The following ITGA9 variants were observed in gnomAD, a reference collection of about 807,000 sequenced individuals.
ITGA9 encodes integrin alpha-9.
In ITGA9, 56 loss-of-function variants were observed where a neutral mutation model predicts 127.8. That is an observed-to-expected ratio of 0.44 (90% CI 0.35 to 0.55). ITGA9 has a LOEUF of 0.55. Among genes scored for constraint, ITGA9 ranks in the 20% least tolerant of loss-of-function variants. The pLI is 0.00. For missense variants in ITGA9, 1,196 were observed against 1,347.1 expected, an observed-to-expected ratio of 0.89 and a Z score of 1.76; for synonymous variants, 508 against 514.5, an observed-to-expected ratio of 0.99 and a Z score of 0.17.
At position 37,732,851 on chromosome 3, in the gene ITGA9, C is replaced by T. The variant is rs556812620; in HGVS notation, c.2154+53C>T. On this transcript the variant is annotated intron_variant, in intron 19 of 27. Transcript: ENST00000264741. The stretch of plus-strand genomic sequence containing the variant: ...CAGCAGCAGGCCCCCAGCCCTTCCA[C>T]CAGCCACTGATTCCGCCGCCTCCCT... 2.6e-4 allele frequency: 356 copies of T among 1,377,882 alleles called. 1 individual carries two copies. The highest frequency in any genetic ancestry group is 3.2e-4 in the Non-Finnish European group (312 of 980,268). 85.4% of individuals were successfully genotyped at this position (1,377,882 alleles called of 1,614,324 possible). A position where few individuals can be genotyped will look rare whatever the true frequency, so the allele number is the denominator to read the frequency against.
chr3:37,818,253 T>G (rs1243384150), intron 27 of ITGA9: 2 of 57,896 alleles, frequency 3.5e-5, no homozygotes. Flanking sequence ...CATGAAACCT[T>G]TTTTTTTTTT....
rs142527588 is a variant in ITGA9, at chr3:37,632,372, G to T, written c.1839+3036G>T. 2.9e-3 allele frequency among the ~76,000 whole-genome samples: 440 copies of T among 152,254 alleles called. 2 individuals carry two copies. Among genetic ancestry groups the T allele is most frequent in the African/African-American group, 9.9e-3 (413 of 41,558 alleles). ...TATTTGCAGCACCAAAAACTCAGTGGAAGTATTAGAAGACAATGGTAAATA... is the reference window on the plus strand; with the variant it reads ...TATTTGCAGCACCAAAAACTCAGTGTAAGTATTAGAAGACAATGGTAAATA... On this transcript the variant is annotated intron_variant, in intron 16 of 27. Coordinates refer to ENST00000264741, the MANE Select transcript of ITGA9 (RefSeq NM_002207.3).
intron 26 of ITGA9, among the ~76,000 whole-genome samples, chr3:37,786,075 G>C (rs1697038069): frequency 6.6e-6 from 1 of 152,152 alleles, no homozygotes; most frequent in Non-Finnish European, 1.5e-5. Context: ...AGATCCCAGG[G>C]GAGTAGAGGA....
intron 16 of ITGA9, among the ~76,000 whole-genome samples, chr3:37,651,261 A>G (rs1473149434): frequency 6.6e-6 from 1 of 152,216 alleles, no homozygotes; most frequent in Non-Finnish European, 1.5e-5. Flanking sequence ...GTAGAGTTCA[A>G]GGAAAAGTTA....
At chr3:37,705,242 A>G (rs1443527473) in intron 18 of ITGA9, among the ~76,000 whole-genome samples, 4 of 152,250 alleles carry the variant, frequency 2.6e-5, no homozygotes, top group African/African-American at 9.6e-5. Flanking sequence ...TAATGAAAAT[A>G]GAGGATTTTT....
intron 25 of ITGA9, among the ~76,000 whole-genome samples, chr3:37,783,643 T>G (rs78191855): frequency 6.6e-6 from 1 of 152,158 alleles, no homozygotes; most frequent in Admixed American, 6.5e-5. Flanking sequence ...GGCCCAAGAT[T>G]ATTATTATTA....
chr3:37,462,846 G>A (rs1698330782), intron 1 of ITGA9, among the ~76,000 whole-genome samples: 2 of 152,198 alleles, frequency 1.3e-5, no homozygotes, highest in Admixed American at 1.3e-4. Flanking sequence ...CCTCATCACT[G>A]CCTTGGGAGG....
Position 37,738,194 on chromosome 3 carries a change from C to T in ITGA9, c.2234+1211C>T, listed in dbSNP as rs6770769. Among the ~76,000 whole-genome samples the T allele has an allele frequency of 7.4e-3, 1,133 of 152,330 alleles. 12 individuals are homozygous for T. The highest frequency in any genetic ancestry group is 0.027 in the Middle Eastern group (8 of 294). ...ACATCACATAAAACATGACTGTGAT[C>T]TAATAGAAGCCTATGCAAAGCATAG... On this transcript the variant is annotated intron_variant, in intron 20 of 27. Transcript: ENST00000264741.
chr3:37,627,089 C>T (rs917465554), intron 15 of ITGA9, among the ~76,000 whole-genome samples: 23 of 152,144 alleles, frequency 1.5e-4, no homozygotes, highest in Admixed American at 1.2e-3. Flanking sequence ...AGGTCTGCCC[C>T]GATATCTGGA....
intron 15 of ITGA9, among the ~76,000 whole-genome samples, chr3:37,543,635 A>G (rs777202599): frequency 1.2e-4 from 18 of 152,240 alleles, no homozygotes; most frequent in Admixed American, 2.0e-4. Flanking sequence ...AATATTGTTT[A>G]TTAGCCACTG....
In ITGA9 at chr3:37,544,503, G is replaced by A. The variant is rs77177349; in HGVS notation, c.1689+1918G>A. Among the ~76,000 whole-genome samples, 653 of 152,294 alleles carry A rather than the reference G, an allele frequency of 4.3e-3. 8 individuals carry two copies. The highest frequency in any genetic ancestry group is 0.015 in the African/African-American group (628 of 41,538). On this transcript the variant is annotated intron_variant, in intron 15 of 27. Coordinates refer to ENST00000264741, the MANE Select transcript of ITGA9 (RefSeq NM_002207.3). ...AAATTTAAATTTAACTTGGCATCCT[G>A]TTGGCAGATTCAACTCTGCTGATCT...
At chr3:37,588,140 C>A (rs112171839) in intron 15 of ITGA9, among the ~76,000 whole-genome samples, 263 of 152,286 alleles carry the variant, frequency 1.7e-3, no homozygotes, top group Non-Finnish European at 3.2e-3. Context: ...GTCCACTTAG[C>A]GAATATCTAA....
intron 18 of ITGA9, among the ~76,000 whole-genome samples, chr3:37,727,845 A>C (rs1379353490): frequency 6.6e-6 from 1 of 152,182 alleles, no homozygotes; most frequent in Non-Finnish European, 1.5e-5. Flanking sequence ...ATCCAGGAGA[A>C]TTTTGACTCC....
rs893614674 is a variant in ITGA9 at position 37,512,511 on chromosome 3, C to T, written c.898-1252C>T. On this transcript the variant is annotated intron_variant, in intron 8 of 27. Coordinates refer to ENST00000264741, the MANE Select transcript of ITGA9 (RefSeq NM_002207.3). Reference sequence around the variant, plus strand: ...ACAGGCGTGAGTCACCATGCCCGGCCTTCTTCTTTTATTTTTTTTTAAAGT... The same window carrying T: ...ACAGGCGTGAGTCACCATGCCCGGCTTTCTTCTTTTATTTTTTTTTAAAGT... Among the ~76,000 whole-genome samples, 4 of 152,104 alleles carry T rather than the reference C, an allele frequency of 2.6e-5. No homozygotes were observed. In the South Asian group the frequency reaches 8.3e-4, roughly 32 times the overall value.
In ITGA9 at chr3:37,452,469, T is replaced by A; in HGVS notation, c.95T>A (p.Leu32His). The stretch of plus-strand genomic sequence containing the variant: ...GGGATCCCCGCGGGCGCCTACAACC[T>A]CGACCCGCAGCGCCCCGTGCACTTC... ...VAGIPAGAYNLDPQRPVHFQG... is the reference protein window; with the variant it reads ...VAGIPAGAYNHDPQRPVHFQG... Residue 32 changes from leucine to histidine, a missense_variant, in exon 1 of 28, where the codon CTC becomes CAC. Transcript: ENST00000264741. This position sits in a 1 kb window ranked among gnomAD's most constrained non-coding sequence, Gnocchi z 7.3. 1 of 1,499,150 alleles carries A rather than the reference T, an allele frequency of 6.7e-7. No homozygotes were observed. The highest frequency in any genetic ancestry group is 8.9e-7 in the Non-Finnish European group (1 of 1,123,384). The allele number at this position is 1,499,150 out of a possible 1,614,324, so 92.9% of individuals were successfully genotyped here. A position where few individuals can be genotyped will look rare whatever the true frequency, so the allele number is the denominator to read the frequency against.
At chr3:37,813,155 T>C (rs1447465487) in intron 27 of ITGA9, among the ~76,000 whole-genome samples, 1 of 152,216 alleles carries the variant, frequency 6.6e-6, no homozygotes, top group Non-Finnish European at 1.5e-5. Context: ...GTGGGTTTCC[T>C]GGCATGTGTA....
At chr3:37,689,759 C>A (rs987247081) in intron 18 of ITGA9, among the ~76,000 whole-genome samples, 1 of 152,176 alleles carries the variant, frequency 6.6e-6, no homozygotes, top group African/African-American at 2.4e-5. Context: ...CAAGGTAAAG[C>A]CTCATTTTAA....
At chr3:37,712,576 A>G (rs188026650) in intron 18 of ITGA9, among the ~76,000 whole-genome samples, 1 of 152,298 alleles carries the variant, frequency 6.6e-6, no homozygotes, top group East Asian at 1.9e-4. Flanking sequence ...GGCTTCGACC[A>G]CAGCTTCTGG....
chr3:37,683,738 T>C, intron 17 of ITGA9, 127 bp from the exon 18 acceptor site: 1 of 930,044 alleles, frequency 1.1e-6, no homozygotes, highest in Non-Finnish European at 1.7e-6. Context: ...CATGGCTAGT[T>C]AATGGGGCTC....
Sources: allele counts gnomAD v4.1 joint callset (sites outside exome capture counted in the v4.1 genomes callset), GRCh38; gene constraint gnomAD v4.1.1; non-coding constraint Gnocchi (gnomAD v3.1); transcripts MANE v1.5; gene names NCBI Gene and HGNC (gene_info 2026-07-23, HGNC 2026-07-21).